Variants in CENPU observed in about 807,000 individuals in gnomAD.
CENPU encodes KSHV latent nuclear antigen interacting protein 1.
A neutral mutation model predicts 56.7 loss-of-function variants in CENPU; 46 were observed. The ratio of observed to expected loss-of-function variants is 0.81; its 90% CI spans 0.64 to 1.04. CENPU has a LOEUF of 1.04. CENPU is among the 50% of genes least tolerant of loss of function. CENPU has a pLI of 0.00. For missense variants in CENPU, 510 were observed against 490.1 expected, an observed-to-expected ratio of 1.04 and a Z score of -0.38; for synonymous variants, 166 against 163.0, an observed-to-expected ratio of 1.02 and a Z score of -0.14.
chr4:184,697,744 G>C lies in CENPU; in HGVS notation c.1046C>G (p.Ser349Cys), dbSNP rs756841235. 6.2e-6 allele frequency: 10 copies of C among 1,612,774 alleles called. No individual in the cohort carries two copies. The highest frequency in any genetic ancestry group is 8.5e-6 in the Non-Finnish European group (10 of 1,179,368). Residue 349 changes from serine (S) to cysteine (C), a missense_variant, in exon 12 of 13, where the codon TCT becomes TGT. Coordinates refer to ENST00000281453, the MANE Select transcript of CENPU (RefSeq NM_024629.4). ...GAAATATGCTGCATTCCTAAGGGAAGACTTTCTCTCTTTAAGTTCATCATA... is the reference window on the plus strand; with the variant it reads ...GAAATATGCTGCATTCCTAAGGGAACACTTTCTCTCTTTAAGTTCATCATA... ...TKYDELKERK[S>C]SLRNAAYFLS...
chr4:184,732,473 T>C (rs752581689), intron 1 of CENPU, among the ~76,000 whole-genome samples: 3 of 152,224 alleles, frequency 2.0e-5, no homozygotes, highest in African/African-American at 4.8e-5. Context: ...ATTGGTTTTA[T>C]GGCAATTTTA....
intron 9 of CENPU, 65 bp from the exon 10 acceptor site, chr4:184,702,201 T>C: frequency 7.5e-7 from 1 of 1,336,916 alleles, no homozygotes; most frequent in South Asian, 1.2e-5. Context: ...TAGTTTCACA[T>C]GTGTCACATT....
In CENPU at chr4:184,710,864, A is replaced by T. The variant is rs529085192; in HGVS notation, c.689-684T>A. 1.1e-4 allele frequency among the ~76,000 whole-genome samples: 17 copies of T among 151,738 alleles called. No individual in the cohort carries two copies. The South Asian group carries it at 1.3e-3, about 11-fold the overall frequency. ...TACCCTAATTTTTTTTCTTAGAAAA[A>T]TTTTTTTTTGAGACAGGGTCTCACT... On this transcript the variant is annotated intron_variant, in intron 7 of 12. Transcript: ENST00000281453.
Position 184,720,366 on chromosome 4 carries a change from G to A in CENPU, c.321-3170C>T, listed in dbSNP as rs192975156. On this transcript the variant is annotated intron_variant, in intron 4 of 12. Transcript: ENST00000281453. ...AGGAAAGAAAAAAGAAAAAACAATC[G>A]TGAAGCATGCCTACAGGGTCTAGAA... Among the ~76,000 whole-genome samples, 82 of 152,170 alleles carry A rather than the reference G, an allele frequency of 5.4e-4. 1 individual carries two copies. Among genetic ancestry groups the A allele is most frequent in the African/African-American group, 1.8e-3 (76 of 41,548 alleles).
intron 4 of CENPU, among the ~76,000 whole-genome samples, chr4:184,722,925 C>G (rs1761329380): frequency 6.6e-6 from 1 of 152,134 alleles, no homozygotes; most frequent in Non-Finnish European, 1.5e-5. Context: ...ATCACATTGG[C>G]AAAAATCCAA....
At position 184,712,030 on chromosome 4, in the gene CENPU, C is replaced by T. The variant is rs1039156705; in HGVS notation, c.688+914G>A. Reference sequence around the variant, plus strand: ...CAGCTACTCAGGAGGCTGAGGCAGGCGATTCGCTTGAACCTGGGAGGCAGA... The same window carrying T: ...CAGCTACTCAGGAGGCTGAGGCAGGTGATTCGCTTGAACCTGGGAGGCAGA... On this transcript the variant is annotated intron_variant, in intron 7 of 12. Transcript: ENST00000281453. 4.7e-5 allele frequency among the ~76,000 whole-genome samples: 7 copies of T among 148,636 alleles called. No homozygotes were observed. In the Admixed American group the frequency reaches 4.8e-4, roughly 10 times the overall value.
chr4:184,709,662 T>C (rs1354981343), intron 8 of CENPU, among the ~76,000 whole-genome samples: 1 of 151,986 alleles, frequency 6.6e-6, no homozygotes, highest in Non-Finnish European at 1.5e-5. Flanking sequence ...TCTCTAAATA[T>C]ATACAGCACA....
intron 1 of CENPU, among the ~76,000 whole-genome samples, chr4:184,733,673 T>G (rs56368159): frequency 0.11 from 16,777 of 152,346 alleles, 1,156 homozygotes; most frequent in Non-Finnish European, 0.15. Context: ...TAACAAAGTC[T>G]GGCAAACCGC....
intron 6 of CENPU, among the ~76,000 whole-genome samples, chr4:184,715,080 G>C (rs1761045173): frequency 6.6e-6 from 1 of 152,222 alleles, no homozygotes; most frequent in Non-Finnish European, 1.5e-5. Context: ...ATTCATATTT[G>C]TTTACATGTA....
intron 3 of CENPU, 53 bp from the exon 4 acceptor site, chr4:184,725,115 G>A (rs1002859936): frequency 8.8e-7 from 1 of 1,140,650 alleles, no homozygotes; most frequent in Non-Finnish European, 1.3e-6. Context: ...TATTTGGGCA[G>A]TACTGTAGTT....
intron 4 of CENPU, among the ~76,000 whole-genome samples, chr4:184,722,627 T>C (rs1307946424): frequency 6.6e-6 from 1 of 151,302 alleles, no homozygotes; most frequent in Non-Finnish European, 1.5e-5. Flanking sequence ...AACTGAACAT[T>C]TTCTATGTTG....
intron 2 of CENPU, 31 bp from the exon 3 acceptor site, chr4:184,729,066 T>C: frequency 6.6e-7 from 1 of 1,513,474 alleles, no homozygotes. Flanking sequence ...GTCATTGAGT[T>C]GGCTCTCACA....
intron 6 of CENPU, among the ~76,000 whole-genome samples, chr4:184,714,668 C>T (rs1210685075): frequency 6.6e-6 from 1 of 152,012 alleles, no homozygotes; most frequent in Admixed American, 6.5e-5. Context: ...AAAGGTATAG[C>T]TAAGAAGCCA....
intron 12 of CENPU, among the ~76,000 whole-genome samples, chr4:184,695,795 G>C (rs568415698): frequency 5.3e-5 from 8 of 152,152 alleles, no homozygotes; most frequent in Non-Finnish European, 1.2e-4. Flanking sequence ...CTGTAAGACA[G>C]GTTTTACTTT....
At chr4:184,696,994 C>A (rs905129777) in intron 12 of CENPU, among the ~76,000 whole-genome samples, 21 of 144,370 alleles carry the variant, frequency 1.5e-4, no homozygotes, top group African/African-American at 5.1e-4. Context: ...GATCTTGCCA[C>A]CTCAGCCTCC....
intron 6 of CENPU, among the ~76,000 whole-genome samples, chr4:184,715,551 G>A (rs1434147715): frequency 6.6e-6 from 1 of 152,162 alleles, no homozygotes; most frequent in Non-Finnish European, 1.5e-5. Context: ...GACCTCACGT[G>A]ATCTGCCTGC....
chr4:184,709,526 T>C (rs1375962169), intron 8 of CENPU, among the ~76,000 whole-genome samples: 5 of 151,740 alleles, frequency 3.3e-5, no homozygotes, highest in African/African-American at 4.8e-5. Context: ...AAAAGAAAAC[T>C]ATGATGCATA....
intron 4 of CENPU, among the ~76,000 whole-genome samples, chr4:184,721,109 G>C (rs1179130031): frequency 1.3e-5 from 2 of 152,156 alleles, no homozygotes; most frequent in African/African-American, 4.8e-5. Context: ...GTTAAAAAGT[G>C]GGGGAGCAAA....
chr4:184,706,084 C>T (rs1244983632), intron 8 of CENPU, among the ~76,000 whole-genome samples: 1 of 152,028 alleles, frequency 6.6e-6, no homozygotes, highest in Non-Finnish European at 1.5e-5. Flanking sequence ...TTCTTAAAAA[C>T]GCATAATGGC....
Sources: allele counts gnomAD v4.1 joint callset (sites outside exome capture counted in the v4.1 genomes callset), GRCh38; gene constraint gnomAD v4.1.1; transcripts MANE v1.5; gene names NCBI Gene and HGNC (gene_info 2026-07-23, HGNC 2026-07-21).